MAPK4: variants seen among roughly 807,000 people sequenced by gnomAD.
MAPK4 encodes the protein Erk3-related.
MAPK4 carries 22 observed loss-of-function variants against 47.7 expected under a neutral mutation model. The ratio of observed to expected loss-of-function variants is 0.46; its 90% CI spans 0.33 to 0.66. MAPK4 has a LOEUF of 0.66. Ranked by LOEUF, MAPK4 falls within the 30% of genes least tolerant of loss-of-function variation. The pLI, the probability that MAPK4 is intolerant of heterozygous loss-of-function variation, is 0.02. For synonymous variants in MAPK4, 390 were observed against 365.7 expected, an observed-to-expected ratio of 1.07 and a Z score of -0.76; for missense variants, 736 against 831.7, an observed-to-expected ratio of 0.88 and a Z score of 1.42.
In MAPK4 at chr18:50,729,936, C is replaced by A; in HGVS notation, c.*82C>A. On this transcript the variant is annotated 3_prime_UTR_variant, in exon 6 of 6. Coordinates refer to ENST00000400384, the MANE Select transcript of MAPK4 (RefSeq NM_002747.4). ...GCTGGCAGGAGGCGGCCGCCCTTCC[C>A]GCCCCTCTCTGCTGCCTTGGGGTTG... 3 of 1,382,632 alleles carry A rather than the reference C, an allele frequency of 2.2e-6. No individual in the cohort carries two copies. 85.6% of individuals were successfully genotyped at this position (1,382,632 alleles called of 1,614,324 possible).
At chr18:50,644,657 A>G (rs1339993318) in intron 1 of MAPK4, among the ~76,000 whole-genome samples, 1 of 152,204 alleles carries the variant, frequency 6.6e-6, no homozygotes, top group African/African-American at 2.4e-5. Context: ...ACCAGGATGT[A>G]GATTTTCATT....
chr18:50,718,999 G>C (rs1910781726), intron 3 of MAPK4, among the ~76,000 whole-genome samples: 1 of 149,236 alleles, frequency 6.7e-6, no homozygotes, highest in Non-Finnish European at 1.5e-5. Context: ...CAGGGGAATT[G>C]CTTGAACCAG....
Position 50,729,356 on chromosome 18 carries a change from C to CCTTCGAG in MAPK4, c.1266_1267insCTTCGAG (p.Asp423LeufsTer140). The CCTTCGAG allele has an allele frequency of 6.3e-7, 1 of 1,578,484 alleles. No individual in the cohort carries two copies. Reference sequence around the variant, plus strand: ...CGTCCATGGAGCGCGCCTTCGAGGCCGACTACGGGCGCTCCTGCGACTACA... The same window carrying CCTTCGAG: ...CGTCCATGGAGCGCGCCTTCGAGGCCCTTCGAGGACTACGGGCGCTCCTGCGACTACA... On this transcript the variant is annotated frameshift_variant, in exon 6 of 6. Transcript: ENST00000400384. LOFTEE classifies it high-confidence loss of function.
At chr18:50,598,879 G>T (rs1266377801) in intron 1 of MAPK4, among the ~76,000 whole-genome samples, 3 of 152,078 alleles carry the variant, frequency 2.0e-5, no homozygotes, top group East Asian at 1.9e-4. Flanking sequence ...GTGGGTTTTT[G>T]GGGGAAGAAA....
In MAPK4 at chr18:50,634,074, G is replaced by A. The variant is rs151160932; in HGVS notation, c.-870-29015G>A. On this transcript the variant is annotated intron_variant, in intron 1 of 5. Coordinates refer to ENST00000400384, the MANE Select transcript of MAPK4 (RefSeq NM_002747.4). ...TTTTTCCAGCTCCCTGTGGTTCCCA[G>A]AAAGAAACCTTTTTATAACTCTCAG... is the stretch of plus-strand genomic sequence containing the variant. Among the ~76,000 whole-genome samples the A allele has an allele frequency of 4.0e-3, 605 of 152,224 alleles. 6 individuals are homozygous for A. The highest frequency in any genetic ancestry group is 0.014 in the African/African-American group (567 of 41,536).
intron 1 of MAPK4, among the ~76,000 whole-genome samples, chr18:50,601,517 G>A (rs1019968690): frequency 3.3e-5 from 5 of 151,822 alleles, no homozygotes; most frequent in African/African-American, 7.3e-5. Flanking sequence ...CTCCTTCCAC[G>A]GCTGCACCAC....
intron 3 of MAPK4, among the ~76,000 whole-genome samples, chr18:50,720,680 G>T (rs1314086007): frequency 6.6e-6 from 1 of 152,192 alleles, no homozygotes; most frequent in Non-Finnish European, 1.5e-5. Context: ...CACCATCTCT[G>T]TCTGCAGCTT....
intron 1 of MAPK4, among the ~76,000 whole-genome samples, chr18:50,651,641 C>T (rs929535939): frequency 1.1e-4 from 16 of 152,158 alleles, no homozygotes; most frequent in African/African-American, 3.1e-4. Flanking sequence ...AGGAGGGCAG[C>T]GGACACATGG....
chr18:50,620,166 G>A (rs987401260), intron 1 of MAPK4, among the ~76,000 whole-genome samples: 1 of 152,230 alleles, frequency 6.6e-6, no homozygotes, highest in Non-Finnish European at 1.5e-5. Context: ...TCCCAGTGGG[G>A]AATGTGACTG....
chr18:50,572,568 GTCTT>G (rs1426821711), intron 1 of MAPK4, among the ~76,000 whole-genome samples: 12 of 152,142 alleles, frequency 7.9e-5, no homozygotes, highest in Non-Finnish European at 1.8e-4. Flanking sequence ...CTTATCAGCA[GTCTT>G]TCTTCTGAGA....
intron 1 of MAPK4, among the ~76,000 whole-genome samples, chr18:50,611,650 A>G (rs762473642): frequency 6.6e-6 from 1 of 152,176 alleles, no homozygotes; most frequent in Non-Finnish European, 1.5e-5. Context: ...GGCCTCAGGG[A>G]AGGCTTCAGG....
At chr18:50,589,120 G>A (rs866256053) in intron 1 of MAPK4, among the ~76,000 whole-genome samples, 12 of 152,148 alleles carry the variant, frequency 7.9e-5, no homozygotes, top group African/African-American at 2.7e-4. Flanking sequence ...AACAGCTCTG[G>A]TACGTGGGTC....
At position 50,664,194 on chromosome 18, in the gene MAPK4, A is replaced by G. The variant is rs752066432; in HGVS notation, c.236A>G (p.Lys79Arg). Residue 79 changes from lysine to arginine, a missense_variant, in exon 2 of 6, where the codon AAA becomes AGA. This residue lies in a region of MAPK4 where 327 missense variants were observed against 395.4 expected (regional missense o/e 0.83). Coordinates refer to ENST00000400384, the MANE Select transcript of MAPK4 (RefSeq NM_002747.4). This position sits in a 1 kb window ranked among gnomAD's most constrained non-coding sequence, Gnocchi z 6.0. Reference sequence around the variant, plus strand: ...CGCCTGGACCACGACAACATCGTCAAAGTGTACGAGGTGCTCGGTCCCAAG... The same window carrying G: ...CGCCTGGACCACGACAACATCGTCAGAGTGTACGAGGTGCTCGGTCCCAAG... Reference protein sequence around the residue: ...IRRLDHDNIVKVYEVLGPKGT... With the variant: ...IRRLDHDNIVRVYEVLGPKGT... 5.0e-6 allele frequency: 8 copies of G among 1,613,978 alleles called. No individual in the cohort carries two copies. The highest frequency in any genetic ancestry group is 6.8e-6 in the Non-Finnish European group (8 of 1,180,024).
intron 1 of MAPK4, among the ~76,000 whole-genome samples, chr18:50,616,291 A>T (rs2149379926): frequency 6.6e-6 from 1 of 152,324 alleles, no homozygotes; most frequent in Admixed American, 6.5e-5. Context: ...TTGAAATCCC[A>T]GCTCTGCTGC....
intron 1 of MAPK4, among the ~76,000 whole-genome samples, chr18:50,599,980 G>C (rs575771304): frequency 4.6e-5 from 7 of 152,238 alleles, no homozygotes; most frequent in Middle Eastern, 3.4e-3. Flanking sequence ...CATATAATTA[G>C]GTAATATCTG....
intron 2 of MAPK4, among the ~76,000 whole-genome samples, chr18:50,688,955 G>T (rs1038832824): frequency 2.6e-5 from 4 of 151,728 alleles, no homozygotes; most frequent in African/African-American, 7.3e-5. Flanking sequence ...AGCAAAAGAG[G>T]CTCGCATAAA....
chr18:50,602,947 G>T (rs912873856), intron 1 of MAPK4, among the ~76,000 whole-genome samples: 1 of 152,102 alleles, frequency 6.6e-6, no homozygotes, highest in Non-Finnish European at 1.5e-5. Context: ...GTGTCAGAGG[G>T]CCAAGATGGG....
In MAPK4 at chr18:50,610,222, C is replaced by G. The variant is rs548299666; in HGVS notation, c.-871+49979C>G. On this transcript the variant is annotated intron_variant, in intron 1 of 5. Transcript: ENST00000400384. ...AACCACAGGAAGCAGCCGCCACCCC[C>G]AAGGCCAAGGGAACAGAGGACAGAA... is the stretch of plus-strand genomic sequence containing the variant. 4.6e-5 allele frequency among the ~76,000 whole-genome samples: 7 copies of G among 152,340 alleles called. No homozygotes were observed. The South Asian group carries it at 6.2e-4, about 14-fold the overall frequency.
At chr18:50,597,341 G>A (rs1468430071) in intron 1 of MAPK4, among the ~76,000 whole-genome samples, 3 of 152,168 alleles carry the variant, frequency 2.0e-5, no homozygotes. Context: ...AACACTAAAA[G>A]CTAGTTTCCA....
Sources: gnomAD v4.1 joint callset for allele counts (sites outside exome capture counted in the v4.1 genomes callset) on GRCh38, gnomAD v4.1.1 for gene constraint, gnomAD v4.1.1 regional missense constraint, Gnocchi (gnomAD v3.1) non-coding constraint, MANE v1.5 for transcripts, NCBI Gene and HGNC (gene_info 2026-07-23, HGNC 2026-07-21) for gene names.